Variants in SELP observed in about 807,000 individuals in gnomAD.
SELP encodes the protein P-selectin.
A neutral mutation model predicts 104.1 loss-of-function variants in SELP; 92 were observed. The ratio of observed to expected loss-of-function variants is 0.88; its 90% CI spans 0.75 to 1.05. The LOEUF (loss-of-function observed/expected upper bound fraction) is 1.05, where lower values mean the gene tolerates loss of function less well. Ranked by LOEUF, SELP falls within the 50% of genes least tolerant of loss-of-function variation. The pLI is 0.00. For missense variants in SELP, 1,022 were observed against 1,017.3 expected (o/e 1.00, Z -0.06); for synonymous variants, 397 against 364.5 (o/e 1.09, Z -1.01).
At position 169,611,571 on chromosome 1, in the gene SELP, G is replaced by A. The variant is rs186405700; in HGVS notation, c.1068C>T (p.Pro356=). ...TGTCCAAGCCCCTCACTCTGTAGCCGGGCTGGCACTCAAATTTACAGCTGG... is the reference window on the plus strand; with the variant it reads ...TGTCCAAGCCCCTCACTCTGTAGCCAGGCTGGCACTCAAATTTACAGCTGG... ...YGSSCKFECQ[P]GYRVRGLDML... Residue 356 remains proline, a synonymous_variant, in exon 7 of 17, where the codon CCC becomes CCT. Transcript: ENST00000263686. The A allele has an allele frequency of 1.9e-5, 30 of 1,614,118 alleles. No individual in the cohort carries two copies. Among genetic ancestry groups the A allele is most frequent in the Admixed American group, 1.7e-4 (10 of 60,018 alleles).
intron 1 of SELP, among the ~76,000 whole-genome samples, chr1:169,620,795 T>TTGTC (rs1553232392): frequency 2.2e-4 from 24 of 110,828 alleles, no homozygotes; most frequent in African/African-American, 8.8e-4. Context: ...CGGTGTGGGG[T>TTGTC]TGTGTGTGTG....
chr1:169,628,157 A>G (rs898426156), intron 1 of SELP, among the ~76,000 whole-genome samples: 2 of 152,302 alleles, frequency 1.3e-5, no homozygotes, highest in Admixed American at 1.3e-4. Flanking sequence ...CGGCCTCCCA[A>G]AGTGCTGGGA....
rs937072967 is a variant in SELP, at chr1:169,603,086, G to A, written c.1645C>T (p.Pro549Ser). The A allele has an allele frequency of 4.3e-6, 7 of 1,613,878 alleles. No individual in the cohort carries two copies. The Admixed American group carries it at 1.0e-4, about 23-fold the overall frequency. Reference sequence around the variant, plus strand: ...GATCGAGTACAATCCAATCTTTCTGGTCCAGACAAAGAATATCCCTCGTCA... The same window carrying A: ...GATCGAGTACAATCCAATCTTTCTGATCCAGACAAAGAATATCCCTCGTCA... ...ICDEGYSLSG[P>S]ERLDCTRSGR... The change falls in exon 10 of 17, where the codon CCA (proline) becomes TCA (serine). Residue 549 changes from proline to serine, a missense_variant. Pro to Ser is a moderately conservative substitution (Grantham distance 74). Transcript: ENST00000263686.
In SELP at chr1:169,612,223, A is replaced by G. The variant is rs1557963419; in HGVS notation, c.955T>C (p.Cys319Arg). ...SGVWTAPAPV[C>R]KAVQCQHLEA... ...CCAACTACCTGAAACTCACCTTTAC[A>G]CACTGGGGCTGGGGCTGTCCATACC... The change falls in exon 6 of 17, where the codon TGT becomes CGT. Residue 319 changes from cysteine to arginine, a missense_variant. By Grantham distance (180) the Cys-to-Arg change is radical. Coordinates refer to ENST00000263686, the MANE Select transcript of SELP (RefSeq NM_003005.4). The G allele has an allele frequency of 6.2e-7, 1 of 1,613,786 alleles. No individual in the cohort carries two copies. Among genetic ancestry groups the G allele is most frequent in the East Asian group, 2.2e-5 (1 of 44,882 alleles).
At chr1:169,608,552 T>C (rs1262102685) in intron 8 of SELP, among the ~76,000 whole-genome samples, 2 of 152,214 alleles carry the variant, frequency 1.3e-5, no homozygotes, top group African/African-American at 4.8e-5. Flanking sequence ...ACTTCCTCTT[T>C]AAGGTTGAAT....
intron 1 of SELP, among the ~76,000 whole-genome samples, chr1:169,628,717 C>A (rs1404190935): frequency 2.0e-5 from 3 of 152,120 alleles, no homozygotes; most frequent in Non-Finnish European, 2.9e-5. Context: ...TAAGTTCATA[C>A]CTTTGAAATA....
intron 3 of SELP, among the ~76,000 whole-genome samples, chr1:169,615,192 C>T (rs1571663806): frequency 6.6e-6 from 1 of 152,164 alleles, no homozygotes; most frequent in Non-Finnish European, 1.5e-5. Context: ...GAGAATTATT[C>T]CAACAATCAA....
chr1:169,597,290 A>AC, intron 10 of SELP, 114 bp from the exon 11 acceptor site: 1 of 945,660 alleles, frequency 1.1e-6, no homozygotes. Flanking sequence ...CCTATATTCC[A>AC]GGTATTTTGC....
At chr1:169,618,941 T>A (rs1338041541) in intron 2 of SELP, among the ~76,000 whole-genome samples, 188 bp downstream of exon 2, 1 of 152,266 alleles carries the variant, frequency 6.6e-6, no homozygotes, top group Non-Finnish European at 1.5e-5. Context: ...ATATATCATT[T>A]TAAGTTCTTT....
In SELP at chr1:169,613,638, C is replaced by T. The variant is rs747222721; in HGVS notation, c.537G>A (p.Gly179=). The change falls in exon 4 of 17, where the codon GGG becomes GGA. Residue 179 remains glycine, a synonymous_variant. Transcript: ENST00000263686. ...SKQGECLETI[G]NYTCSCYPGF... is the part of the protein sequence containing the mutation. Reference sequence around the variant, plus strand: ...CAGGGTAACAGGAGCAGGTGTAGTTCCCGATGGTCTCGAGGCACTCTCCTT... The same window carrying T: ...CAGGGTAACAGGAGCAGGTGTAGTTTCCGATGGTCTCGAGGCACTCTCCTT... 2 of 1,614,006 alleles carry T rather than the reference C, an allele frequency of 1.2e-6. No individual in the cohort carries two copies. Among genetic ancestry groups the T allele is most frequent in the East Asian group, 4.5e-5 (2 of 44,880 alleles).
chr1:169,615,945 G>A (rs566197770), intron 3 of SELP, among the ~76,000 whole-genome samples: 13 of 152,184 alleles, frequency 8.5e-5, no homozygotes, highest in South Asian at 2.1e-4. Flanking sequence ...AGAGTACTTA[G>A]AAACTTCCTG....
At chr1:169,594,306 G>A (rs988758660) in intron 13 of SELP, among the ~76,000 whole-genome samples, 1 of 152,174 alleles carries the variant, frequency 6.6e-6, no homozygotes, top group African/African-American at 2.4e-5. Context: ...TTTAATTAAG[G>A]AAGATCTGCT....
intron 1 of SELP, among the ~76,000 whole-genome samples, chr1:169,622,230 G>A (rs143856492): frequency 3.3e-5 from 5 of 152,302 alleles, no homozygotes; most frequent in African/African-American, 9.6e-5. Context: ...CAGCAAATCC[G>A]TTTTCAAGTC....
Position 169,613,593 on chromosome 1 carries a change from A to T in SELP, c.582T>A (p.Cys194Ter), listed in dbSNP as rs1472605729. ...ACAAAAAGGAAGCCTCACCGTATTC[A>T]CATTCTGGCCCATAGAATCCAGGGT... Reference protein sequence around the residue: ...SCYPGFYGPECEYVRECGELE... With the variant: ...SCYPGFYGPE Residue 194 changes from cysteine to a stop codon, truncating the protein, a stop_gained, in exon 4 of 17, where the codon TGT becomes TGA. Coordinates refer to ENST00000263686, the MANE Select transcript of SELP (RefSeq NM_003005.4). LOFTEE classifies it high-confidence loss of function. 1 of 1,613,236 alleles carries T rather than the reference A, an allele frequency of 6.2e-7. No individual in the cohort carries two copies.
intron 10 of SELP, among the ~76,000 whole-genome samples, chr1:169,598,501 G>A (rs1661741255): frequency 6.6e-6 from 1 of 152,122 alleles, no homozygotes; most frequent in South Asian, 2.1e-4. Context: ...CATTCAAATA[G>A]CCAAAATAAC....
chr1:169,607,384 G>T (rs932680273), intron 8 of SELP, among the ~76,000 whole-genome samples: 12 of 152,096 alleles, frequency 7.9e-5, no homozygotes, highest in Non-Finnish European at 2.9e-5. Context: ...TTGGACCCAA[G>T]AATTTATGCT....
intron 1 of SELP, among the ~76,000 whole-genome samples, chr1:169,627,874 T>G (rs898331314): frequency 1.3e-5 from 2 of 152,178 alleles, no homozygotes; most frequent in African/African-American, 4.8e-5. Context: ...AATCCAGACC[T>G]GCTCCTTAGC....
In SELP at chr1:169,593,679, G is replaced by A. The variant is rs779055841; in HGVS notation, c.2333C>T (p.Ala778Val). ...TATCAGACCTATCGTAGAAGCCACC[G>A]CTCCACCAAAGTAAGTCAGGGCTTC... is the stretch of plus-strand genomic sequence containing the variant. ...IQEALTYFGGAVASTIGLIMG... is the reference protein window; with the variant it reads ...IQEALTYFGGVVASTIGLIMG... Residue 778 changes from alanine (A) to valine (V), a missense_variant, in exon 14 of 17, where the codon GCG becomes GTG. Transcript: ENST00000263686. 8.1e-6 allele frequency: 13 copies of A among 1,613,258 alleles called. No homozygotes were observed. The highest frequency in any genetic ancestry group is 5.5e-5 in the South Asian group (5 of 91,042).
intron 1 of SELP, among the ~76,000 whole-genome samples, chr1:169,625,352 G>C (rs971257009): frequency 6.6e-6 from 1 of 152,136 alleles, no homozygotes; most frequent in Non-Finnish European, 1.5e-5. Context: ...CCTTGCAGAG[G>C]TAAGTGTTTC....
Sources: allele counts gnomAD v4.1 joint callset (sites outside exome capture counted in the v4.1 genomes callset), GRCh38; gene constraint gnomAD v4.1.1; transcripts MANE v1.5; gene names NCBI Gene and HGNC (gene_info 2026-07-23, HGNC 2026-07-21).